ANO4: variants seen among roughly 807,000 people sequenced by gnomAD.
ANO4 encodes anoctamin 4.
Under a neutral mutation model 141.9 loss-of-function variants are expected in ANO4, and 69 were observed. That is an observed-to-expected ratio of 0.49 (90% CI 0.40 to 0.59). The LOEUF (loss-of-function observed/expected upper bound fraction) is 0.59, where lower values mean the gene tolerates loss of function less well. Ranked by LOEUF, ANO4 falls within the 20% of genes least tolerant of loss-of-function variation. ANO4 has a pLI of 0.00. For missense variants in ANO4, 894 were observed against 1,162.2 expected, an observed-to-expected ratio of 0.77 and a Z score of 3.36; for synonymous variants, 350 against 394.3, an observed-to-expected ratio of 0.89 and a Z score of 1.33.
intron 3 of ANO4, among the ~76,000 whole-genome samples, chr12:100,783,907 A>T (rs1426479247): frequency 6.6e-6 from 1 of 151,964 alleles, no homozygotes; most frequent in East Asian, 1.9e-4. Flanking sequence ...TCTCATTTCC[A>T]CCTTCCAAAT....
chr12:100,729,360 CAAAAAA>C (rs1156522144), intron 1 of ANO4, among the ~76,000 whole-genome samples: 135 of 22,552 alleles, frequency 6.0e-3, no homozygotes, highest in African/African-American at 0.016. Context: ...AACTCTGTCT[CAAAAAA>C]AAAAAAAAAA....
At chr12:101,010,328 G>A (rs145470304) in intron 8 of ANO4, among the ~76,000 whole-genome samples, 2,924 of 152,194 alleles carry the variant, frequency 0.019, 46 homozygotes, top group Non-Finnish European at 0.031. Context: ...CTTAGATAAC[G>A]AAGATGATAT....
At chr12:100,845,393 G>T (rs11110553) in intron 1 of ANO4, among the ~76,000 whole-genome samples, 27,525 of 152,064 alleles carry the variant, frequency 0.18, 2,944 homozygotes, top group Middle Eastern at 0.29. Context: ...GGGTAGGAAT[G>T]GCTTGAGGTT....
chr12:100,937,500 T>C (rs540001789), intron 3 of ANO4, among the ~76,000 whole-genome samples: 1 of 152,244 alleles, frequency 6.6e-6, no homozygotes, highest in South Asian at 2.1e-4. Flanking sequence ...AAGTGTTAGT[T>C]CCTCTCCATA....
chr12:100,756,365 T>G (rs2032611402), intron 3 of ANO4, among the ~76,000 whole-genome samples: 1 of 152,164 alleles, frequency 6.6e-6, no homozygotes, highest in African/African-American at 2.4e-5. Context: ...TATTTTTATT[T>G]TTGAGGTGTA....
chr12:101,070,767 C>T (rs952519349), intron 14 of ANO4, among the ~76,000 whole-genome samples: 5 of 152,114 alleles, frequency 3.3e-5, no homozygotes, highest in Admixed American at 6.6e-5. Flanking sequence ...GTAAACTATC[C>T]GTCTGATAAG....
chr12:100,982,873 A>G (rs686288), intron 7 of ANO4, among the ~76,000 whole-genome samples: 6,781 of 152,324 alleles, frequency 0.045, 252 homozygotes, highest in Non-Finnish European at 0.065. Flanking sequence ...CACCCAAATC[A>G]CCAACAACCT....
intron 1 of ANO4, among the ~76,000 whole-genome samples, chr12:100,817,633 A>G (rs894269966): frequency 6.6e-6 from 1 of 151,944 alleles, no homozygotes; most frequent in Non-Finnish European, 1.5e-5. Flanking sequence ...TTCCATGTTT[A>G]TGTCTGCTAA....
intron 1 of ANO4, among the ~76,000 whole-genome samples, chr12:100,847,188 C>G (rs2135833994): frequency 6.6e-6 from 1 of 152,334 alleles, no homozygotes; most frequent in Admixed American, 6.5e-5. Context: ...GTACTTATCA[C>G]AGTGTCTGCC....
At position 100,993,608 on chromosome 12, in the gene ANO4, A is replaced by G. The variant is rs150942897; in HGVS notation, c.734+5938A>G. 1.2e-3 allele frequency among the ~76,000 whole-genome samples: 190 copies of G among 152,238 alleles called. 1 individual carries two copies. Among genetic ancestry groups the G allele is most frequent in the African/African-American group, 4.1e-3 (171 of 41,536 alleles). On this transcript the variant is annotated intron_variant, in intron 8 of 27. Transcript: ENST00000392977. Reference sequence around the variant, plus strand: ...TGGGGGAAGGAGGCATATGTCTCTGATTCATGTAGTCATTCAGGTACCTAG... The same window carrying G: ...TGGGGGAAGGAGGCATATGTCTCTGGTTCATGTAGTCATTCAGGTACCTAG...
chr12:101,088,734 ATTT>A (rs1055283666), intron 17 of ANO4, among the ~76,000 whole-genome samples: 1 of 151,434 alleles, frequency 6.6e-6, no homozygotes, highest in African/African-American at 2.4e-5. Context: ...TACAAACAAA[ATTT>A]TTTTTTAATT....
At position 101,000,487 on chromosome 12, in the gene ANO4, G is replaced by A. The variant is rs547456652; in HGVS notation, c.734+12817G>A. Among the ~76,000 whole-genome samples the A allele has an allele frequency of 1.2e-4, 19 of 152,206 alleles. No homozygotes were observed. The South Asian group carries it at 3.7e-3, about 30-fold the overall frequency. ...CTGAAATCTTTAGAGAATCCTTCAG[G>A]CAGAGGTACCAAGATTGATTTACGT... On this transcript the variant is annotated intron_variant, in intron 8 of 27. Coordinates refer to ENST00000392977, the MANE Select transcript of ANO4 (RefSeq NM_001286615.2).
Position 101,126,906 on chromosome 12 carries a change from A to G in ANO4, c.2704A>G (p.Ile902Val), listed in dbSNP as rs1219074804. ...EHLVFCIKHL[I>V]SYLIPDLPKD... ...CCTCGTGTTTTGTATAAAGCACCTC[A>G]TTTCATATCTGATCCCAGACCTCCC... The change falls in exon 27 of 28, where the codon ATT becomes GTT. Residue 902 changes from isoleucine to valine, a missense_variant. Ile to Val is a conservative substitution (Grantham distance 29). This residue lies in a region of ANO4 where 637 missense variants were observed against 909.2 expected (regional missense o/e 0.70). Transcript: ENST00000392977. 1 of 1,614,126 alleles carries G rather than the reference A, an allele frequency of 6.2e-7. No individual in the cohort carries two copies. The highest frequency in any genetic ancestry group is 8.5e-7 in the Non-Finnish European group (1 of 1,180,004).
chr12:100,872,821 T>A (rs998991072), intron 1 of ANO4, among the ~76,000 whole-genome samples: 3 of 152,222 alleles, frequency 2.0e-5, no homozygotes, highest in Middle Eastern at 3.2e-3. Flanking sequence ...GTAAAGTATA[T>A]TCTATCCTGA....
At chr12:100,734,994 A>C (rs924312162) in intron 2 of ANO4, among the ~76,000 whole-genome samples, 4 of 152,176 alleles carry the variant, frequency 2.6e-5, no homozygotes, top group Non-Finnish European at 5.9e-5. Flanking sequence ...CTTGTAATGC[A>C]ATGGGGTACT....
At chr12:101,077,854 A>T (rs919310199) in intron 14 of ANO4, among the ~76,000 whole-genome samples, 6 of 152,170 alleles carry the variant, frequency 3.9e-5, no homozygotes, top group Non-Finnish European at 5.9e-5. Flanking sequence ...GAATTTTCGC[A>T]TTGCAGATAA....
chr12:100,803,037 T>A (rs1376131086), intron 1 of ANO4, among the ~76,000 whole-genome samples: 3 of 152,184 alleles, frequency 2.0e-5, no homozygotes, highest in African/African-American at 7.2e-5. Flanking sequence ...AGCATTTACT[T>A]CTGGAATTGA....
chr12:101,091,738 A>C (rs2049784853), intron 17 of ANO4, among the ~76,000 whole-genome samples: 2 of 148,938 alleles, frequency 1.3e-5, no homozygotes, highest in South Asian at 4.3e-4. Context: ...AAACCTTGAG[A>C]GCTAGATTAA....
intron 1 of ANO4, among the ~76,000 whole-genome samples, chr12:100,830,157 A>C (rs186554591): frequency 6.6e-6 from 1 of 152,206 alleles, no homozygotes; most frequent in African/African-American, 2.4e-5. Flanking sequence ...GTGTTCTCCA[A>C]ATGGGAGATG....
Sources: gnomAD v4.1 joint callset for allele counts (sites outside exome capture counted in the v4.1 genomes callset) on GRCh38, gnomAD v4.1.1 for gene constraint, gnomAD v4.1.1 regional missense constraint, MANE v1.5 for transcripts, NCBI Gene and HGNC (gene_info 2026-07-23, HGNC 2026-07-21) for gene names.